Variants in DTD1 observed in about 807,000 individuals in gnomAD.
DTD1 encodes the protein D-aminoacyl-tRNA deacylase 1, also known as D-tyrosyl-tRNA deacylase 1 homolog.
A neutral mutation model predicts 25.6 loss-of-function variants in DTD1; 13 were observed. That is an observed-to-expected ratio of 0.51 (90% confidence interval 0.33 to 0.81). The LOEUF (loss-of-function observed/expected upper bound fraction) is 0.81. DTD1 is among the 30% of genes least tolerant of loss of function. The pLI, the probability that DTD1 is intolerant of heterozygous loss-of-function variation, is 0.02. For synonymous variants in DTD1, 110 were observed against 103.6 expected, an observed-to-expected ratio of 1.06 and a Z score of -0.37; for missense variants, 193 against 266.4, an observed-to-expected ratio of 0.72 and a Z score of 1.92.
chr20:18,641,342 C>T (rs766673181), intron 4 of DTD1, among the ~76,000 whole-genome samples: 7 of 152,172 alleles, frequency 4.6e-5, no homozygotes, highest in Non-Finnish European at 8.8e-5. Context: ...GCTTTTAATT[C>T]CTCTGGGTAA....
chr20:18,710,595 T>C (rs2061154693), intron 4 of DTD1, among the ~76,000 whole-genome samples: 1 of 152,246 alleles, frequency 6.6e-6, no homozygotes, highest in Admixed American at 6.5e-5. Flanking sequence ...CTTTATAAAA[T>C]GTAAAAGTGA....
At chr20:18,681,752 C>T (rs906426137) in intron 4 of DTD1, among the ~76,000 whole-genome samples, 23 of 151,946 alleles carry the variant, frequency 1.5e-4, no homozygotes, top group African/African-American at 2.9e-4. Flanking sequence ...TAGACCTGTC[C>T]GGCAAGAAAT....
intron 4 of DTD1, chr20:18,632,359 T>C: frequency 1.3e-5 from 13 of 985,436 alleles, no homozygotes; most frequent in Admixed American, 6.1e-5. Flanking sequence ...ACCCTGAACA[T>C]TGCACTGCGC....
intron 4 of DTD1, among the ~76,000 whole-genome samples, chr20:18,724,375 G>A (rs73118742): frequency 0.072 from 10,947 of 152,260 alleles, 520 homozygotes; most frequent in Non-Finnish European, 0.1. Flanking sequence ...TATTTTGTGT[G>A]TGACTTGGGG....
At chr20:18,658,280 G>A (rs2060897897) in intron 4 of DTD1, among the ~76,000 whole-genome samples, 1 of 149,002 alleles carries the variant, frequency 6.7e-6, no homozygotes, top group African/African-American at 2.5e-5. Context: ...TTTAGCTATA[G>A]GTCTGAATAC....
At chr20:18,607,969 C>T (rs1295234410) in intron 3 of DTD1, among the ~76,000 whole-genome samples, 1 of 152,124 alleles carries the variant, frequency 6.6e-6, no homozygotes, top group African/African-American at 2.4e-5. Context: ...CTGCCTCAGC[C>T]TCTCAAAGTG....
intron 4 of DTD1, chr20:18,632,633 A>G (rs2060792989): frequency 2.0e-6 from 2 of 984,160 alleles, no homozygotes; most frequent in South Asian, 9.4e-5. Context: ...TATTCCAATC[A>G]GTAATGAAAA....
chr20:18,743,586 A>G (rs894319921), intron 4 of DTD1, among the ~76,000 whole-genome samples: 10 of 150,302 alleles, frequency 6.7e-5, no homozygotes, highest in Non-Finnish European at 1.3e-4. Flanking sequence ...AGGTGGGAGG[A>G]TCACTTGAAC....
intron 5 of DTD1, among the ~76,000 whole-genome samples, chr20:18,751,088 T>TGG (rs1452198080): frequency 6.9e-6 from 1 of 145,330 alleles, no homozygotes; most frequent in Non-Finnish European, 1.5e-5. Flanking sequence ...TGTGTGTGGG[T>TGG]GTGTGTTTTC....
rs1260552533 is a variant in DTD1, at chr20:18,764,102, C to T, written c.*762C>T. 6.6e-6 allele frequency: 1 copy of T among 152,034 alleles called. No individual in the cohort carries two copies. The highest frequency in any genetic ancestry group is 2.4e-5 in the African/African-American group (1 of 41,332). 9.4% of individuals were successfully genotyped at this position (152,034 alleles called of 1,614,324 possible). ...CCAGTTTACAATTGATGACATGGTA[C>T]TTGGAAGTGAGATGTCAGGAAAAGG... On this transcript the variant is annotated 3_prime_UTR_variant, in exon 6 of 6. Transcript: ENST00000377452.
At position 18,679,621 on chromosome 20, in the gene DTD1, G is replaced by T. The variant is rs146948817; in HGVS notation, c.477+51388G>T. Among the ~76,000 whole-genome samples, 15 of 152,258 alleles carry T rather than the reference G, an allele frequency of 9.9e-5. No individual in the cohort carries two copies. The East Asian group carries it at 2.9e-3, about 29-fold the overall frequency. On this transcript the variant is annotated intron_variant, in intron 4 of 5. Coordinates refer to ENST00000377452, the MANE Select transcript of DTD1 (RefSeq NM_080820.6). Reference sequence around the variant, plus strand: ...ATATTCAACTCCTAGATTCTTTTTGGTAGGTAATTATCACTGCTAGATGTT... The same window carrying T: ...ATATTCAACTCCTAGATTCTTTTTGTTAGGTAATTATCACTGCTAGATGTT...
At chr20:18,696,851 G>C (rs1479429760) in intron 4 of DTD1, among the ~76,000 whole-genome samples, 1 of 151,934 alleles carries the variant, frequency 6.6e-6, no homozygotes, top group East Asian at 2.0e-4. Context: ...ACTGCCCCTG[G>C]CCTGAACTGT....
At chr20:18,716,127 A>G (rs994017928) in intron 4 of DTD1, among the ~76,000 whole-genome samples, 5 of 152,070 alleles carry the variant, frequency 3.3e-5, no homozygotes, top group African/African-American at 7.2e-5. Context: ...TTCTTCATCT[A>G]TTTTAGAGCC....
At chr20:18,624,183 G>A (rs2060748295) in intron 3 of DTD1, among the ~76,000 whole-genome samples, 1 of 152,108 alleles carries the variant, frequency 6.6e-6, no homozygotes, top group African/African-American at 2.4e-5. Context: ...CTCCCAAGGT[G>A]AAGACTTATT....
intron 4 of DTD1, among the ~76,000 whole-genome samples, chr20:18,662,638 T>C (rs2060915657): frequency 6.6e-6 from 1 of 152,222 alleles, no homozygotes; most frequent in African/African-American, 2.4e-5. Flanking sequence ...GGGTGTCTTG[T>C]CCATAGTGTA....
intron 4 of DTD1, among the ~76,000 whole-genome samples, chr20:18,703,728 G>GTTT (rs11378992): frequency 4.2e-4 from 48 of 113,238 alleles, no homozygotes; most frequent in African/African-American, 1.3e-3. Context: ...ATAGTATTCA[G>GTTT]TTTTTTTTTT....
chr20:18,718,281 G>A (rs1220610220), intron 4 of DTD1, among the ~76,000 whole-genome samples: 2 of 152,158 alleles, frequency 1.3e-5, no homozygotes, highest in Non-Finnish European at 2.9e-5. Flanking sequence ...TCATATTTCT[G>A]AAAGACAACC....
chr20:18,708,218 A>ATTATATATATATT (rs1568676578), intron 4 of DTD1, among the ~76,000 whole-genome samples: 1 of 5,658 alleles, frequency 1.8e-4, no homozygotes, highest in African/African-American at 3.3e-4. Context: ...TTATATATAT[A>ATTATATATATATT]ATATATATAT....
chr20:18,740,404 A>T (rs2061272940), intron 4 of DTD1, among the ~76,000 whole-genome samples: 1 of 152,086 alleles, frequency 6.6e-6, no homozygotes, highest in African/African-American at 2.4e-5. Flanking sequence ...GTACTTTCTC[A>T]GCATCTAATT....
Sources: allele counts gnomAD v4.1 joint callset (sites outside exome capture counted in the v4.1 genomes callset), GRCh38; gene constraint gnomAD v4.1.1; transcripts MANE v1.5; gene names NCBI Gene and HGNC (gene_info 2026-07-23, HGNC 2026-07-21).